ASTN1: variants seen among roughly 807,000 people sequenced by gnomAD.
ASTN1 encodes astrotactin 1.
In ASTN1, 41 loss-of-function variants were observed where a neutral mutation model predicts 140.7. That is an observed-to-expected ratio of 0.29 (90% CI 0.23 to 0.38). ASTN1 has a LOEUF of 0.38. Among genes scored for constraint, ASTN1 ranks in the 10% least tolerant of loss-of-function variants. The probability of loss-of-function intolerance (pLI) is 1.00; values close to 1 mark genes in which losing one functional copy is unlikely to be tolerated. For missense variants in ASTN1, 1,479 were observed against 1,678.8 expected, an observed-to-expected ratio of 0.88 and a Z score of 2.08; for synonymous variants, 640 against 652.2, an observed-to-expected ratio of 0.98 and a Z score of 0.29.
At chr1:177,075,155 C>A (rs563094318) in intron 1 of ASTN1, among the ~76,000 whole-genome samples, 3 of 152,060 alleles carry the variant, frequency 2.0e-5, no homozygotes, top group Non-Finnish European at 4.4e-5. Context: ...CTCACTGCAA[C>A]CTCCGCCTCC....
intron 16 of ASTN1, among the ~76,000 whole-genome samples, chr1:176,897,255 A>G (rs562090635): frequency 6.8e-6 from 1 of 146,600 alleles, no homozygotes; most frequent in African/African-American, 2.6e-5. Context: ...AGCCTGGGCT[A>G]CAGAGCAAGA....
intron 1 of ASTN1, among the ~76,000 whole-genome samples, chr1:177,112,335 G>A (rs1464425651): frequency 6.6e-6 from 1 of 152,208 alleles, no homozygotes; most frequent in Non-Finnish European, 1.5e-5. Context: ...ATATGTTGAA[G>A]GCACACAAGC....
chr1:177,008,912 G>C (rs180782656), intron 8 of ASTN1, among the ~76,000 whole-genome samples: 5 of 152,224 alleles, frequency 3.3e-5, no homozygotes, highest in African/African-American at 1.2e-4. Flanking sequence ...TTGAGAGGTC[G>C]GATGAAGGTG....
chr1:177,107,233 T>C (rs991114971), intron 1 of ASTN1, among the ~76,000 whole-genome samples: 4 of 152,162 alleles, frequency 2.6e-5, no homozygotes, highest in African/African-American at 9.7e-5. Context: ...CAGGTGCTGG[T>C]AGAGGGTTCA....
At chr1:177,067,425 C>T (rs966177776) in intron 1 of ASTN1, among the ~76,000 whole-genome samples, 19 of 152,142 alleles carry the variant, frequency 1.2e-4, no homozygotes, top group African/African-American at 4.6e-4. Flanking sequence ...CTATCAGATA[C>T]TTACTATCAT....
Position 176,936,007 on chromosome 1 carries a change from T to C in ASTN1, c.2482+259A>G, listed in dbSNP as rs1009875629. 3 of 522,242 alleles carry C rather than the reference T, an allele frequency of 5.7e-6. No individual in the cohort carries two copies. In the African/African-American group the frequency reaches 5.8e-5, roughly 10 times the overall value. 32.4% of individuals were successfully genotyped at this position (522,242 alleles called of 1,614,324 possible). On this transcript the variant is annotated intron_variant, in intron 15 of 22. Coordinates refer to ENST00000361833, the MANE Select transcript of ASTN1 (RefSeq NM_004319.3). ...TACTGGATGAGCCCAGGAAAAATTA[T>C]ACCTTCAATGGCTCCAGTCTTGCCC...
intron 12 of ASTN1, 92 bp downstream of exon 12, chr1:176,949,093 C>T (rs1672076791): frequency 6.6e-7 from 1 of 1,526,618 alleles, no homozygotes. Flanking sequence ...CCTAGGGTGA[C>T]CTATTCACTC....
chr1:176,975,133 C>T (rs1673311018), intron 8 of ASTN1, among the ~76,000 whole-genome samples: 2 of 152,168 alleles, frequency 1.3e-5, no homozygotes, highest in Non-Finnish European at 2.9e-5. Flanking sequence ...TTGTATAAGG[C>T]AAAGGGAAGA....
At position 176,863,942 on chromosome 1, in the gene ASTN1, T is replaced by G. The variant is rs1668046766; in HGVS notation, c.*342A>C. On this transcript the variant is annotated 3_prime_UTR_variant, in exon 23 of 23. Transcript: ENST00000361833. Reference sequence around the variant, plus strand: ...GCACAGGGTGCCTACTTAATAGACTTTTCATGGGGAGCACGGCAGAGCTCT... The same window carrying G: ...GCACAGGGTGCCTACTTAATAGACTGTTCATGGGGAGCACGGCAGAGCTCT... The G allele has an allele frequency of 1.8e-6, 2 of 1,087,362 alleles. No individual in the cohort carries two copies. Among genetic ancestry groups the G allele is most frequent in the Non-Finnish European group, 2.2e-6 (2 of 891,956 alleles). The allele number at this position is 1,087,362 out of a possible 1,614,324, so 67.4% of individuals were successfully genotyped here.
chr1:177,002,613 G>T (rs543930702), intron 8 of ASTN1, among the ~76,000 whole-genome samples: 24 of 152,124 alleles, frequency 1.6e-4, no homozygotes, highest in Admixed American at 7.9e-4. Flanking sequence ...AATAGATAAA[G>T]TAGAAAACAA....
intron 1 of ASTN1, among the ~76,000 whole-genome samples, chr1:177,156,538 G>A (rs975645892): frequency 6.6e-6 from 1 of 151,878 alleles, no homozygotes; most frequent in African/African-American, 2.4e-5. Flanking sequence ...AAAACGCAAA[G>A]TATAAAATAA....
At chr1:177,113,471 C>CA (rs1680919293) in intron 1 of ASTN1, among the ~76,000 whole-genome samples, 1 of 152,196 alleles carries the variant, frequency 6.6e-6, no homozygotes, top group Non-Finnish European at 1.5e-5. Context: ...ACTGTCATCC[C>CA]CTTGACCTTG....
chr1:177,050,156 C>T (rs1407745407), intron 2 of ASTN1, among the ~76,000 whole-genome samples: 11 of 152,226 alleles, frequency 7.2e-5, no homozygotes, highest in South Asian at 2.1e-4. Flanking sequence ...ATCTAAGTCC[C>T]GAATCCTTCC....
chr1:176,956,345 C>G (rs1303277496), intron 11 of ASTN1, among the ~76,000 whole-genome samples: 1 of 152,024 alleles, frequency 6.6e-6, no homozygotes, highest in African/African-American at 2.4e-5. Flanking sequence ...TCTGGGGAGG[C>G]CTTAGGGCTG....
At chr1:177,159,201 T>C (rs772196716) in intron 1 of ASTN1, among the ~76,000 whole-genome samples, 1 of 152,172 alleles carries the variant, frequency 6.6e-6, no homozygotes, top group Non-Finnish European at 1.5e-5. Flanking sequence ...TCATAATTCC[T>C]TTGTTGTAAA....
chr1:177,136,382 T>G (rs1161443789), intron 1 of ASTN1, among the ~76,000 whole-genome samples: 1 of 150,956 alleles, frequency 6.6e-6, no homozygotes, highest in Non-Finnish European at 1.5e-5. Context: ...AGACAGGGTC[T>G]CTCTCTGTCA....
chr1:176,914,084 C>T (rs1044983923), intron 16 of ASTN1, among the ~76,000 whole-genome samples: 1 of 152,118 alleles, frequency 6.6e-6, no homozygotes, highest in Non-Finnish European at 1.5e-5. Flanking sequence ...ATTGTCAGTT[C>T]TCTATATGAA....
chr1:176,936,442 C>T, intron 14 of ASTN1, 72 bp from the exon 15 acceptor site: 1 of 1,206,494 alleles, frequency 8.3e-7, no homozygotes, highest in Non-Finnish European at 1.2e-6. Flanking sequence ...GCATGACCCA[C>T]CTCTATGAGG....
At chr1:177,069,254 A>G (rs1374070061) in intron 1 of ASTN1, among the ~76,000 whole-genome samples, 1 of 152,072 alleles carries the variant, frequency 6.6e-6, no homozygotes, top group Non-Finnish European at 1.5e-5. Context: ...TTAACCTTTG[A>G]TCAGTTTTGT....
Sources: allele counts gnomAD v4.1 joint callset (sites outside exome capture counted in the v4.1 genomes callset), GRCh38; gene constraint gnomAD v4.1.1; transcripts MANE v1.5; gene names NCBI Gene and HGNC (gene_info 2026-07-23, HGNC 2026-07-21).